TBC1D19: variants seen among roughly 807,000 people sequenced by gnomAD.
TBC1D19 encodes TBC1 domain family, member 19.
A neutral mutation model predicts 89.0 loss-of-function variants in TBC1D19; 60 were observed. The ratio of observed to expected loss-of-function variants is 0.67; its 90% CI spans 0.55 to 0.84. The LOEUF is 0.84. Ranked by LOEUF, TBC1D19 falls within the 40% of genes least tolerant of loss-of-function variation. The probability of loss-of-function intolerance (pLI) is 0.00; values close to 1 mark genes in which losing one functional copy is unlikely to be tolerated. For missense variants in TBC1D19, 500 were observed against 610.8 expected, an observed-to-expected ratio of 0.82 and a Z score of 1.91; for synonymous variants, 189 against 199.7, an observed-to-expected ratio of 0.95 and a Z score of 0.45.
chr4:26,738,841 A>T (rs1350169359), intron 16 of TBC1D19, among the ~76,000 whole-genome samples: 1 of 152,150 alleles, frequency 6.6e-6, no homozygotes, highest in Admixed American at 6.5e-5. Context: ...AAAATATTTT[A>T]CTATTTTTCC....
At chr4:26,822,585 A>G in the TBC1D19 span, among the ~76,000 whole-genome samples, 31 of 152,246 alleles carry the variant, frequency 2.0e-4, no homozygotes, top group African/African-American at 7.5e-4. Context: ...CTGCCAGTGG[A>G]CTATGTAGGG....
chr4:26,619,305 C>CGAA (rs1741886285), intron 3 of TBC1D19, among the ~76,000 whole-genome samples: 1 of 151,388 alleles, frequency 6.6e-6, no homozygotes, highest in Admixed American at 6.6e-5. Flanking sequence ...CCCAGGTTCA[C>CGAA]GCCATTCTCC....
intron 19 of TBC1D19, among the ~76,000 whole-genome samples, chr4:26,751,703 C>A (rs746312427): frequency 1.3e-5 from 2 of 151,930 alleles, no homozygotes; most frequent in African/African-American, 4.8e-5. Context: ...CTTTTTTGCC[C>A]GACTGTCCAA....
the TBC1D19 span, among the ~76,000 whole-genome samples, chr4:26,796,246 G>T: frequency 6.6e-6 from 1 of 152,154 alleles, no homozygotes; most frequent in Non-Finnish European, 1.5e-5. Context: ...AAGTAGAACT[G>T]CTGGGAATAT....
chr4:26,679,468 T>C (rs1713137919), intron 11 of TBC1D19, among the ~76,000 whole-genome samples: 1 of 152,144 alleles, frequency 6.6e-6, no homozygotes, highest in Admixed American at 6.5e-5. Flanking sequence ...TATATGAAAA[T>C]GCCTGGATAT....
chr4:26,671,146 A>G (rs972188762), intron 9 of TBC1D19, among the ~76,000 whole-genome samples: 1 of 151,720 alleles, frequency 6.6e-6, no homozygotes, highest in African/African-American at 2.4e-5. Flanking sequence ...GTTTGTACCA[A>G]GTTCTACTCC....
intron 17 of TBC1D19, 90 bp downstream of exon 17, chr4:26,740,063 A>C: frequency 1.3e-6 from 1 of 752,622 alleles, no homozygotes; most frequent in African/African-American, 1.8e-5. Flanking sequence ...CTCAAATTCT[A>C]ACGCAACAAA....
rs1327095705 is a variant in TBC1D19 at position 26,611,303 on chromosome 4, T to C, written c.100-1866T>C. 2.6e-5 allele frequency among the ~76,000 whole-genome samples: 4 copies of C among 152,156 alleles called. No homozygotes were observed. In the East Asian group the frequency reaches 7.7e-4, roughly 29 times the overall value. On this transcript the variant is annotated intron_variant, in intron 1 of 20. Transcript: ENST00000264866. ...GTCCTGCCTATTTTTAAAATGTCTT[T>C]GTCTTTTTTTTAAGCTATAGGTTTT...
At chr4:26,627,509 G>C (rs1159875968) in intron 4 of TBC1D19, among the ~76,000 whole-genome samples, 2 of 152,176 alleles carry the variant, frequency 1.3e-5, no homozygotes, top group African/African-American at 2.4e-5. Flanking sequence ...CCCACCAACA[G>C]TGTAAAAGTG....
the TBC1D19 span, among the ~76,000 whole-genome samples, chr4:26,809,732 G>T: frequency 6.6e-6 from 1 of 152,150 alleles, no homozygotes; most frequent in Non-Finnish European, 1.5e-5. Context: ...TGAGAAGGCC[G>T]GGTTCCCTCC....
At chr4:26,696,968 C>T (rs1714843956) in intron 13 of TBC1D19, among the ~76,000 whole-genome samples, 1 of 152,088 alleles carries the variant, frequency 6.6e-6, no homozygotes, top group Admixed American at 6.5e-5. Context: ...CAACAGCAAA[C>T]ACATTCAAAA....
chr4:26,747,701 C>A (rs1042514793), intron 18 of TBC1D19, among the ~76,000 whole-genome samples: 1 of 152,128 alleles, frequency 6.6e-6, no homozygotes, highest in South Asian at 2.1e-4. Context: ...GGCACCAGAG[C>A]CAAAGAGTTC....
At chr4:26,722,458 A>G (rs1717040962) in intron 15 of TBC1D19, among the ~76,000 whole-genome samples, 1 of 152,166 alleles carries the variant, frequency 6.6e-6, no homozygotes, top group Non-Finnish European at 1.5e-5. Flanking sequence ...AGCATGGAAA[A>G]GGCTGATATA....
intron 4 of TBC1D19, among the ~76,000 whole-genome samples, chr4:26,627,186 A>G (rs970077898): frequency 8.6e-5 from 13 of 151,454 alleles, no homozygotes; most frequent in African/African-American, 3.1e-4. Flanking sequence ...GATGATTTCC[A>G]ATTTCATCCA....
intron 3 of TBC1D19, among the ~76,000 whole-genome samples, chr4:26,617,252 T>C (rs1234271492): frequency 1.3e-5 from 2 of 152,244 alleles, no homozygotes; most frequent in Non-Finnish European, 2.9e-5. Flanking sequence ...CCCACGTAGG[T>C]GAAGCTCTTA....
chr4:26,600,358 G>A (rs953898716), intron 1 of TBC1D19, among the ~76,000 whole-genome samples: 7 of 152,164 alleles, frequency 4.6e-5, no homozygotes, highest in African/African-American at 1.4e-4. Context: ...ATGAATAATG[G>A]TGTACAGGAT....
chr4:26,832,319 T>C, the TBC1D19 span, among the ~76,000 whole-genome samples: 1 of 152,062 alleles, frequency 6.6e-6, no homozygotes, highest in Non-Finnish European at 1.5e-5. Context: ...CTGTTTTTTC[T>C]GGAAACCGGA....
chr4:26,681,312 G>C (rs1713318935), intron 11 of TBC1D19, among the ~76,000 whole-genome samples: 1 of 151,958 alleles, frequency 6.6e-6, no homozygotes, highest in South Asian at 2.1e-4. Context: ...GCTGAGGCGG[G>C]CAGATCACCA....
At chr4:26,672,237 C>A in intron 10 of TBC1D19, 50 bp downstream of exon 10, 1 of 1,271,672 alleles carries the variant, frequency 7.9e-7, no homozygotes, top group African/African-American at 1.6e-5. Context: ...GAGACAGTCC[C>A]AGCTAAATGT....
Sources: allele counts gnomAD v4.1 joint callset (sites outside exome capture counted in the v4.1 genomes callset), GRCh38; gene constraint gnomAD v4.1.1; transcripts MANE v1.5; gene names NCBI Gene and HGNC (gene_info 2026-07-23, HGNC 2026-07-21).